The following ATG10 variants were observed in gnomAD, a reference collection of about 807,000 sequenced individuals.
ATG10 encodes autophagy related 10, also known as ubiquitin-like-conjugating enzyme ATG10.
Under a neutral mutation model 32.1 loss-of-function variants are expected in ATG10, and 30 were observed. The observed-to-expected ratio is 0.94, with a 90% CI of 0.70 to 1.27. ATG10 has a LOEUF of 1.27. Ranked by LOEUF, ATG10 falls within the 50% of genes most tolerant of loss-of-function variation. ATG10 has a pLI of 0.00. For synonymous variants in ATG10, 87 were observed against 91.5 expected (o/e 0.95, Z 0.28); for missense variants, 233 against 262.3 (o/e 0.89, Z 0.77).
chr5:82,087,788 G>A (rs1306285980), intron 3 of ATG10, among the ~76,000 whole-genome samples: 1 of 151,930 alleles, frequency 6.6e-6, no homozygotes, highest in Non-Finnish European at 1.5e-5. Flanking sequence ...TGCTGAGAGG[G>A]TAGATCTTAT....
intron 5 of ATG10, among the ~76,000 whole-genome samples, chr5:82,198,868 C>A (rs902251662): frequency 3.9e-5 from 6 of 152,188 alleles, no homozygotes; most frequent in African/African-American, 1.4e-4. Flanking sequence ...TTAGTATGAT[C>A]ATTTACCATT....
intron 1 of ATG10, among the ~76,000 whole-genome samples, chr5:81,986,168 A>G (rs1761264353): frequency 1.3e-5 from 2 of 151,956 alleles, no homozygotes; most frequent in African/African-American, 4.8e-5. Context: ...TCAGCCTCCC[A>G]AAGTGCTGGG....
intron 3 of ATG10, among the ~76,000 whole-genome samples, chr5:82,075,029 T>C (rs924609379): frequency 6.6e-6 from 1 of 152,222 alleles, no homozygotes; most frequent in Non-Finnish European, 1.5e-5. Context: ...GAAACCCTCC[T>C]GGGTGTTGCA....
intron 3 of ATG10, among the ~76,000 whole-genome samples, chr5:82,088,050 G>A (rs1355738612): frequency 1.3e-5 from 2 of 152,132 alleles, no homozygotes; most frequent in African/African-American, 4.8e-5. Flanking sequence ...GGTTGGTGTT[G>A]ACTCATTTCA....
intron 4 of ATG10, among the ~76,000 whole-genome samples, chr5:82,170,800 T>A (rs1356197080): frequency 6.6e-6 from 1 of 151,390 alleles, no homozygotes; most frequent in Non-Finnish European, 1.5e-5. Flanking sequence ...CAAAAAAAAA[T>A]AGCTAGGCAT....
chr5:81,981,288 G>T (rs1190820445), intron 1 of ATG10, among the ~76,000 whole-genome samples: 1 of 152,226 alleles, frequency 6.6e-6, no homozygotes, highest in African/African-American at 2.4e-5. Flanking sequence ...CTAATTAAAA[G>T]TAATTATTTT....
chr5:82,061,351 T>TG (rs1763763719), intron 3 of ATG10, among the ~76,000 whole-genome samples: 2 of 166 alleles, frequency 0.012, no homozygotes, highest in Admixed American at 0.17. Flanking sequence ...TCTTAGAATG[T>TG]TTTTTTTTTC....
intron 2 of ATG10, among the ~76,000 whole-genome samples, chr5:81,999,940 A>G (rs1761801019): frequency 1.3e-5 from 2 of 152,220 alleles, no homozygotes; most frequent in South Asian, 4.1e-4. Context: ...GCTGAATTCT[A>G]GATGTGTAAA....
At chr5:82,149,293 T>C (rs990364503) in intron 3 of ATG10, among the ~76,000 whole-genome samples, 2 of 152,000 alleles carry the variant, frequency 1.3e-5, no homozygotes, top group African/African-American at 4.8e-5. Flanking sequence ...TTTACTAATA[T>C]ACCAGTATTT....
chr5:82,123,122 A>G (rs931734567), intron 3 of ATG10, among the ~76,000 whole-genome samples: 1 of 152,248 alleles, frequency 6.6e-6, no homozygotes, highest in African/African-American at 2.4e-5. Context: ...ATGTCCATCA[A>G]TGACAGATAG....
At chr5:82,197,106 A>G (rs1302870672) in intron 5 of ATG10, among the ~76,000 whole-genome samples, 1 of 151,932 alleles carries the variant, frequency 6.6e-6, no homozygotes, top group African/African-American at 2.4e-5. Context: ...CAAGTCTTGA[A>G]TTTTTTCATT....
intron 3 of ATG10, among the ~76,000 whole-genome samples, chr5:82,156,379 C>T (rs1024672803): frequency 3.3e-5 from 5 of 152,164 alleles, no homozygotes; most frequent in African/African-American, 1.2e-4. Flanking sequence ...CATCCCAGAA[C>T]TCCTGGATTA....
At chr5:82,028,872 A>G (rs1762667244) in intron 2 of ATG10, among the ~76,000 whole-genome samples, 1 of 152,216 alleles carries the variant, frequency 6.6e-6, no homozygotes, top group African/African-American at 2.4e-5. Context: ...ATGTATTGAT[A>G]AAGTTTATGG....
chr5:82,056,436 T>C (rs1335864053), intron 2 of ATG10, among the ~76,000 whole-genome samples: 1 of 151,256 alleles, frequency 6.6e-6, no homozygotes, highest in East Asian at 1.9e-4. Flanking sequence ...CAGGTTTTTT[T>C]TTTTTTTTTT....
At chr5:82,176,912 T>G (rs970605945) in intron 4 of ATG10, among the ~76,000 whole-genome samples, 4 of 152,242 alleles carry the variant, frequency 2.6e-5, no homozygotes, top group Non-Finnish European at 5.9e-5. Context: ...TATTGCTATT[T>G]ATTGAAAATA....
chr5:82,255,839 C>T lies in ATG10; in HGVS notation c.*1776C>T, dbSNP rs1301503306. On this transcript the variant is annotated 3_prime_UTR_variant, in exon 8 of 8. Transcript: ENST00000282185. ...GCACCGTGACAGCACCCTCAGTCCA[C>T]GTCTGCAGATTAAGAGCTGAACTCT... 2.0e-5 allele frequency: 3 copies of T among 152,192 alleles called. No individual in the cohort carries two copies. The highest frequency in any genetic ancestry group is 4.4e-5 in the Non-Finnish European group (3 of 68,044). The allele number at this position is 152,192 out of a possible 1,614,324, so 9.4% of individuals were successfully genotyped here.
chr5:82,074,484 A>G (rs1252978990), intron 3 of ATG10, among the ~76,000 whole-genome samples: 1 of 152,044 alleles, frequency 6.6e-6, no homozygotes. Flanking sequence ...CTGAAAGGAC[A>G]TTTTTTGGTT....
chr5:82,150,260 G>T (rs1157548076), intron 3 of ATG10, among the ~76,000 whole-genome samples: 1 of 149,160 alleles, frequency 6.7e-6, no homozygotes, highest in African/African-American at 2.5e-5. Flanking sequence ...TTTCCCAAGT[G>T]TGTCAACTAT....
intron 3 of ATG10, among the ~76,000 whole-genome samples, chr5:82,071,113 C>T (rs1764118161): frequency 1.3e-5 from 2 of 152,112 alleles, no homozygotes; most frequent in Non-Finnish European, 2.9e-5. Context: ...TCTCCCCTAA[C>T]TCAGAGTCCT....
Sources: gnomAD v4.1 joint callset for allele counts (sites outside exome capture counted in the v4.1 genomes callset) on GRCh38, gnomAD v4.1.1 for gene constraint, MANE v1.5 for transcripts, NCBI Gene and HGNC (gene_info 2026-07-23, HGNC 2026-07-21) for gene names.